ALKBH8: variants seen among roughly 807,000 people sequenced by gnomAD.
ALKBH8 encodes tRNA (carboxymethyluridine(34)-5-O)-methyltransferase ALKBH8.
ALKBH8 carries 36 observed loss-of-function variants against 59.8 expected under a neutral mutation model. That is an observed-to-expected ratio of 0.60 (90% CI 0.46 to 0.79). The LOEUF (loss-of-function observed/expected upper bound fraction) is 0.79, where lower values mean the gene tolerates loss of function less well. Among genes scored for constraint, ALKBH8 ranks in the 30% least tolerant of loss-of-function variants. The pLI is 0.00. For missense variants in ALKBH8, 768 were observed against 801.0 expected, an observed-to-expected ratio of 0.96 and a Z score of 0.50; for synonymous variants, 276 against 273.6, an observed-to-expected ratio of 1.01 and a Z score of -0.09.
intron 7 of ALKBH8, among the ~76,000 whole-genome samples, chr11:107,534,221 T>C (rs1863717191): frequency 6.6e-6 from 1 of 152,144 alleles, no homozygotes; most frequent in Non-Finnish European, 1.5e-5. Context: ...AACCAATTTA[T>C]ATAGGTTTCA....
At chr11:107,517,397 C>G (rs1003990090) in intron 10 of ALKBH8, among the ~76,000 whole-genome samples, 2 of 152,120 alleles carry the variant, frequency 1.3e-5, no homozygotes, top group Non-Finnish European at 2.9e-5. Context: ...CCATATGATC[C>G]AGCAATCCCA....
chr11:107,556,967 C>A lies in ALKBH8; in HGVS notation c.166G>T (p.Val56Leu), dbSNP rs756095378. 5 of 1,601,846 alleles carry A rather than the reference C, an allele frequency of 3.1e-6. No homozygotes were observed. Among genetic ancestry groups the A allele is most frequent in the Non-Finnish European group, 4.3e-6 (5 of 1,174,542 alleles). The change falls in exon 3 of 12, where the codon GTG (valine) becomes TTG (leucine). Residue 56 changes from valine (V) to leucine (L), a missense_variant. Val to Leu is a conservative substitution (Grantham distance 32). Transcript: ENST00000428149. Reference protein sequence around the residue: ...VVANGGLGNGVSRNQLLPVLE... With the variant: ...VVANGGLGNGLSRNQLLPVLE... ...ACCGGGAGCAGCTGGTTCCGACTCA[C>A]ACCATTACCCAAACCACCATTGGCA...
intron 10 of ALKBH8, among the ~76,000 whole-genome samples, chr11:107,517,982 T>C (rs561118052): frequency 3.3e-4 from 50 of 152,290 alleles, no homozygotes; most frequent in African/African-American, 1.2e-3. Flanking sequence ...CAATCCACAA[T>C]GTATATATAC....
At chr11:107,508,989 T>A (rs1241297698) in intron 11 of ALKBH8, among the ~76,000 whole-genome samples, 1 of 152,208 alleles carries the variant, frequency 6.6e-6, no homozygotes, top group Non-Finnish European at 1.5e-5. Context: ...AAATATCTGT[T>A]CAAGTCTCTG....
chr11:107,553,959 C>T lies in ALKBH8; in HGVS notation c.387G>A (p.Arg129=), dbSNP rs60477330. ...FVEKVQWKEL[R]PQALPPGLMV... is the part of the protein sequence containing the mutation. ...TGAGTCCTGGTGGTAAGGCTTGAGGCCTCAACTCCTTCCACTGCACTATGG... is the reference window on the plus strand; with the variant it reads ...TGAGTCCTGGTGGTAAGGCTTGAGGTCTCAACTCCTTCCACTGCACTATGG... Residue 129 remains arginine (R), a synonymous_variant, in exon 4 of 12, where the codon AGG becomes AGA. Coordinates refer to ENST00000428149, the MANE Select transcript of ALKBH8 (RefSeq NM_138775.3). 1.5e-3 allele frequency: 2,394 copies of T among 1,613,682 alleles called. 24 individuals carry two copies. The African/African-American group carries it at 0.022, about 15-fold the overall frequency.
At chr11:107,538,490 C>G (rs1240964200) in intron 7 of ALKBH8, among the ~76,000 whole-genome samples, 1 of 152,146 alleles carries the variant, frequency 6.6e-6, no homozygotes, top group East Asian at 1.9e-4. Context: ...TCCAATTATT[C>G]TTTTTGTTTT....
At chr11:107,538,220 TA>T (rs1457311997) in intron 7 of ALKBH8, among the ~76,000 whole-genome samples, 1 of 134,954 alleles carries the variant, frequency 7.4e-6, no homozygotes, top group African/African-American at 2.7e-5. Context: ...TTTGACAGTA[TA>T]TTTTTTTAAA....
intron 7 of ALKBH8, among the ~76,000 whole-genome samples, chr11:107,535,773 C>T (rs1404325581): frequency 6.6e-6 from 1 of 152,014 alleles, no homozygotes; most frequent in African/African-American, 2.4e-5. Context: ...GTCCCATGAA[C>T]ACAGAAAGTG....
At chr11:107,547,484 C>T (rs1342353875) in intron 7 of ALKBH8, among the ~76,000 whole-genome samples, 4 of 152,166 alleles carry the variant, frequency 2.6e-5, no homozygotes, top group Admixed American at 1.3e-4. Flanking sequence ...GCATGGATTA[C>T]TCTGAATTTG....
chr11:107,513,670 C>G (rs1188829730), intron 10 of ALKBH8, among the ~76,000 whole-genome samples: 2 of 152,074 alleles, frequency 1.3e-5, no homozygotes, highest in Non-Finnish European at 2.9e-5. Context: ...ACTGGGTAAA[C>G]AAATGTGTTA....
chr11:107,548,406 G>A lies in ALKBH8; in HGVS notation c.771+1347C>T, dbSNP rs530411301. ...GTAGTAAAGTTAACACTCTGATCTC[G>A]AATTATCTTTTGTCTCATTTCTCAG... is the stretch of plus-strand genomic sequence containing the variant. On this transcript the variant is annotated intron_variant, in intron 7 of 11. Transcript: ENST00000428149. Among the ~76,000 whole-genome samples the A allele has an allele frequency of 3.3e-4, 50 of 152,276 alleles. No homozygotes were observed. In the East Asian group the frequency reaches 9.1e-3, roughly 28 times the overall value.
intron 8 of ALKBH8, among the ~76,000 whole-genome samples, chr11:107,530,630 C>G (rs1174088842): frequency 1.7e-5 from 2 of 119,792 alleles, no homozygotes; most frequent in Non-Finnish European, 3.8e-5. Context: ...CACACACACA[C>G]ACACACACAC....
chr11:107,558,532 C>G (rs1283863522), intron 2 of ALKBH8, among the ~76,000 whole-genome samples: 3 of 152,088 alleles, frequency 2.0e-5, no homozygotes, highest in Admixed American at 6.6e-5. Flanking sequence ...TCCACTACCC[C>G]ATCTAGGAAT....
At chr11:107,506,841 T>C (rs889249486) in intron 11 of ALKBH8, among the ~76,000 whole-genome samples, 7 of 151,966 alleles carry the variant, frequency 4.6e-5, no homozygotes, top group Non-Finnish European at 7.4e-5. Flanking sequence ...ACTCTGAAGA[T>C]GTAGGAGAAA....
intron 11 of ALKBH8, among the ~76,000 whole-genome samples, chr11:107,510,378 C>G (rs1165245226): frequency 6.6e-6 from 1 of 150,532 alleles, no homozygotes; most frequent in East Asian, 1.9e-4. Context: ...ATACTACTAC[C>G]AGCTAAAAAA....
chr11:107,532,529 C>T lies in ALKBH8; in HGVS notation c.772-123G>A, dbSNP rs949318280. ...AGAGATTAAAACATAATAATGCTTG[C>T]AGAAAAGCATAGCACAGTGGTTCTC... On this transcript the variant is annotated intron_variant, in intron 7 of 11. Coordinates refer to ENST00000428149, the MANE Select transcript of ALKBH8 (RefSeq NM_138775.3). 2.3e-4 allele frequency: 167 copies of T among 725,244 alleles called. 1 individual carries two copies. Among genetic ancestry groups the T allele is most frequent in the Admixed American group, 2.0e-4 (8 of 41,024 alleles). 44.9% of individuals were successfully genotyped at this position (725,244 alleles called of 1,614,324 possible). A position where few individuals can be genotyped will look rare whatever the true frequency, so the allele number is the denominator to read the frequency against.
At chr11:107,508,572 T>C (rs1444419595) in intron 11 of ALKBH8, among the ~76,000 whole-genome samples, 1 of 152,204 alleles carries the variant, frequency 6.6e-6, no homozygotes, top group African/African-American at 2.4e-5. Flanking sequence ...ACATTCATAC[T>C]TAATGGTTGT....
intron 1 of ALKBH8, chr11:107,562,688 G>C (rs553255721): frequency 1.3e-5 from 2 of 152,152 alleles, no homozygotes; most frequent in Non-Finnish European, 2.9e-5. Flanking sequence ...CCTAGCACAG[G>C]GGGTACATAC....
intron 6 of ALKBH8, 131 bp downstream of exon 6, chr11:107,551,677 A>C: frequency 3.3e-6 from 1 of 299,526 alleles, no homozygotes; most frequent in Admixed American, 5.2e-5. Flanking sequence ...ATGGGCAACA[A>C]GAGCGAAACT....
Sources: gnomAD v4.1 joint callset for allele counts (sites outside exome capture counted in the v4.1 genomes callset) on GRCh38, gnomAD v4.1.1 for gene constraint, MANE v1.5 for transcripts, NCBI Gene and HGNC (gene_info 2026-07-23, HGNC 2026-07-21) for gene names.